Variants in ANK2 observed in about 807,000 individuals in gnomAD.
The protein encoded by ANK2 is ankyrin 2.
A neutral mutation model predicts 360.5 loss-of-function variants in ANK2; 83 were observed. The ratio of observed to expected loss-of-function variants is 0.23; its 90% CI spans 0.19 to 0.28. The LOEUF (loss-of-function observed/expected upper bound fraction) is 0.28, where lower values mean the gene tolerates loss of function less well. ANK2 is among the 10% of genes least tolerant of loss of function. ANK2 has a pLI of 1.00. For missense variants in ANK2, 4,201 were observed against 4,795.7 expected, an observed-to-expected ratio of 0.88 and a Z score of 3.66; for synonymous variants, 1,740 against 1,759.5, an observed-to-expected ratio of 0.99 and a Z score of 0.28.
chr4:113,251,640 G>A (rs1189307698), intron 10 of ANK2, among the ~76,000 whole-genome samples: 3 of 151,348 alleles, frequency 2.0e-5, no homozygotes, highest in Non-Finnish European at 2.9e-5. Flanking sequence ...CCACCACCAC[G>A]CCCAGCTAAT....
At chr4:113,165,342 A>G (rs1048867847) in intron 1 of ANK2, among the ~76,000 whole-genome samples, 1 of 152,198 alleles carries the variant, frequency 6.6e-6, no homozygotes, top group African/African-American at 2.4e-5. Flanking sequence ...TAAATATCCA[A>G]TGTGGAGCTG....
chr4:113,334,293 G>GA (rs932404454), intron 29 of ANK2, among the ~76,000 whole-genome samples: 7 of 151,910 alleles, frequency 4.6e-5, no homozygotes, highest in African/African-American at 1.7e-4. Flanking sequence ...TCTAAGCAAA[G>GA]AAAAAAATCA....
chr4:112,927,976 G>A (rs1018642136), intron 2 of ANK2, among the ~76,000 whole-genome samples: 1 of 152,116 alleles, frequency 6.6e-6, no homozygotes, highest in African/African-American at 2.4e-5. Context: ...TGTGCCATTA[G>A]CCTACATAAT....
At chr4:113,237,234 G>A (rs554735619) in intron 6 of ANK2, 62 bp downstream of exon 6, 51 of 1,546,412 alleles carry the variant, frequency 3.3e-5, no homozygotes, top group Admixed American at 1.7e-4. Context: ...CCTCCTGGGG[G>A]ATGATAAAGA....
chr4:113,114,853 T>C (rs1449671370), intron 1 of ANK2, among the ~76,000 whole-genome samples: 1 of 152,182 alleles, frequency 6.6e-6, no homozygotes, highest in East Asian at 1.9e-4. Context: ...AAAGGTCTTG[T>C]GCCAGAAGAA....
chr4:113,348,652 A>G (rs936691151), intron 36 of ANK2, among the ~76,000 whole-genome samples: 2 of 152,034 alleles, frequency 1.3e-5, no homozygotes, highest in African/African-American at 4.8e-5. Context: ...CTTAATTTTT[A>G]ATTAAATGTC....
chr4:113,293,522 T>TCAC lies in ANK2; in HGVS notation c.2472_2474dup (p.Thr826dup), dbSNP rs770530257. 22 of 1,613,058 alleles carry TCAC rather than the reference T, an allele frequency of 1.4e-5. No homozygotes were observed. The Admixed American group carries it at 2.7e-4, about 20-fold the overall frequency. Reference sequence around the variant, plus strand: ...ACCCTGAAGGTTGTGACTGAGGAGGTCACCACCACCACCACAGTGAGTATG... The same window carrying TCAC: ...ACCCTGAAGGTTGTGACTGAGGAGGTCACCACCACCACCACCACAGTGAGTATG... On this transcript the variant is annotated inframe_insertion, in exon 22 of 46. Coordinates refer to ENST00000357077, the MANE Select transcript of ANK2 (RefSeq NM_001148.6).
chr4:113,308,680 G>C (rs2153813225), intron 23 of ANK2, among the ~76,000 whole-genome samples: 1 of 152,282 alleles, frequency 6.6e-6, no homozygotes, highest in South Asian at 2.1e-4. Context: ...GCATCTGCTT[G>C]ATAAGTTTGA....
chr4:113,098,572 G>C (rs2092145647), intron 1 of ANK2, among the ~76,000 whole-genome samples: 1 of 151,886 alleles, frequency 6.6e-6, no homozygotes, highest in Non-Finnish European at 1.5e-5. Flanking sequence ...TAAAGCACCA[G>C]GCTCAAATGG....
At chr4:112,758,431 GA>G in the ANK2 span, among the ~76,000 whole-genome samples, 1 of 151,888 alleles carries the variant, frequency 6.6e-6, no homozygotes, top group Non-Finnish European at 1.5e-5. Context: ...TATTTTTTGA[GA>G]TAGAGTCTCA....
chr4:113,322,658 A>G lies in ANK2; in HGVS notation c.2900+4038A>G, dbSNP rs1181880888. ...AAATGTCCTACACAGTCATACATTA[A>G]CTGGAGGTCTGTAAGGTTGTCTTTT... On this transcript the variant is annotated intron_variant, in intron 26 of 45. Transcript: ENST00000357077. Among the ~76,000 whole-genome samples the G allele has an allele frequency of 2.0e-5, 3 of 152,212 alleles. No individual in the cohort carries two copies. The East Asian group carries it at 5.8e-4, about 29-fold the overall frequency.
intron 1 of ANK2, among the ~76,000 whole-genome samples, chr4:113,056,901 A>T (rs1039008456): frequency 1.3e-5 from 2 of 152,134 alleles, no homozygotes; most frequent in African/African-American, 4.8e-5. Context: ...TCTTCCACAC[A>T]CTAATTTGTG....
chr4:113,141,049 A>G (rs1037030004), intron 1 of ANK2, among the ~76,000 whole-genome samples: 2 of 152,204 alleles, frequency 1.3e-5, no homozygotes, highest in Non-Finnish European at 2.9e-5. Context: ...TTGATTTGCA[A>G]AGACTTGTCT....
chr4:113,076,744 C>T (rs1027009869), intron 1 of ANK2, among the ~76,000 whole-genome samples: 1 of 150,878 alleles, frequency 6.6e-6, no homozygotes, highest in South Asian at 2.1e-4. Flanking sequence ...TGCAGTAAAC[C>T]GTGATAGTAC....
the ANK2 span, among the ~76,000 whole-genome samples, chr4:112,776,952 AC>A: frequency 6.6e-6 from 1 of 152,194 alleles, no homozygotes; most frequent in Non-Finnish European, 1.5e-5. Context: ...CATCCCTGAA[AC>A]AAAAAAGTCA....
chr4:113,179,496 A>T (rs1584049294), intron 2 of ANK2, among the ~76,000 whole-genome samples: 1 of 152,216 alleles, frequency 6.6e-6, no homozygotes, highest in African/African-American at 2.4e-5. Flanking sequence ...TGATATGGGG[A>T]AAATTCATAA....
chr4:113,104,786 A>G (rs191770843), intron 1 of ANK2, among the ~76,000 whole-genome samples: 42 of 152,270 alleles, frequency 2.8e-4, no homozygotes, highest in Admixed American at 2.6e-3. Context: ...ACTGAAAGAG[A>G]ATGCAGGATC....
chr4:113,090,704 T>C (rs1466154546), intron 1 of ANK2, among the ~76,000 whole-genome samples: 1 of 152,226 alleles, frequency 6.6e-6, no homozygotes, highest in African/African-American at 2.4e-5. Context: ...CAGAAGATTT[T>C]ATGTAAAAGT....
At chr4:112,914,437 A>G (rs958683497) in intron 2 of ANK2, among the ~76,000 whole-genome samples, 1 of 152,066 alleles carries the variant, frequency 6.6e-6, no homozygotes, top group Admixed American at 6.5e-5. Flanking sequence ...CCTGGCCAAC[A>G]TGATGGAACC....
Sources: allele counts gnomAD v4.1 joint callset (sites outside exome capture counted in the v4.1 genomes callset), GRCh38; gene constraint gnomAD v4.1.1; transcripts MANE v1.5; gene names NCBI Gene and HGNC (gene_info 2026-07-23, HGNC 2026-07-21).